The following GALNTL6 variants were observed in gnomAD, a reference collection of about 807,000 sequenced individuals.
The protein encoded by GALNTL6 is polypeptide N-acetylgalactosaminyltransferase like 6, also known as polypeptide N-acetylgalactosaminyltransferase-like 6.
In GALNTL6, 46 loss-of-function variants were observed where a neutral mutation model predicts 73.7. The observed-to-expected ratio is 0.62, with a 90% CI of 0.49 to 0.80. GALNTL6 has a LOEUF of 0.80. GALNTL6 is among the 30% of genes least tolerant of loss of function. The probability of loss-of-function intolerance (pLI) is 0.00; values close to 1 mark genes in which losing one functional copy is unlikely to be tolerated. For missense variants in GALNTL6, 604 were observed against 755.0 expected (o/e 0.80, Z 2.34); for synonymous variants, 259 against 263.7 (o/e 0.98, Z 0.17).
intron 2 of GALNTL6, among the ~76,000 whole-genome samples, chr4:172,065,963 T>C (rs1190703756): frequency 6.6e-6 from 1 of 152,172 alleles, no homozygotes; most frequent in African/African-American, 2.4e-5. Flanking sequence ...ACCCTTGACA[T>C]GTGAGGATTA....
intron 7 of GALNTL6, among the ~76,000 whole-genome samples, chr4:172,848,179 G>A (rs750335737): frequency 2.0e-5 from 3 of 152,044 alleles, no homozygotes; most frequent in Non-Finnish European, 2.9e-5. Flanking sequence ...CCTATGTCTC[G>A]TGTACATGAC....
chr4:172,828,271 C>CAAA (rs35836916), intron 7 of GALNTL6, among the ~76,000 whole-genome samples: 5 of 122,342 alleles, frequency 4.1e-5, no homozygotes, highest in African/African-American at 1.6e-4. Context: ...GACTCCATCT[C>CAAA]AAAAAAAAAA....
intron 5 of GALNTL6, among the ~76,000 whole-genome samples, chr4:172,754,583 T>A (rs1394534977): frequency 2.0e-5 from 3 of 151,330 alleles, no homozygotes; most frequent in Non-Finnish European, 2.9e-5. Flanking sequence ...GAAAATAAAT[T>A]AAAAAAAACA....
At chr4:172,772,166 C>G (rs1180589616) in intron 5 of GALNTL6, among the ~76,000 whole-genome samples, 3 of 152,332 alleles carry the variant, frequency 2.0e-5, no homozygotes, top group Admixed American at 2.0e-4. Flanking sequence ...GACCTACTCC[C>G]ACGATTCAAT....
intron 9 of GALNTL6, among the ~76,000 whole-genome samples, chr4:172,932,321 C>T (rs1428806642): frequency 6.6e-6 from 1 of 152,070 alleles, no homozygotes; most frequent in African/African-American, 2.4e-5. Flanking sequence ...ATCAGGAAAG[C>T]TAAGAGAGGA....
chr4:173,024,932 TC>T (rs1274101840), intron 12 of GALNTL6, among the ~76,000 whole-genome samples: 1 of 152,100 alleles, frequency 6.6e-6, no homozygotes, highest in Admixed American at 6.6e-5. Flanking sequence ...GATCAATATT[TC>T]CTAGGAGAGT....
intron 2 of GALNTL6, among the ~76,000 whole-genome samples, chr4:172,141,929 T>C (rs1037127309): frequency 3.3e-5 from 5 of 149,684 alleles, no homozygotes; most frequent in Non-Finnish European, 6.0e-5. Flanking sequence ...CACTCATTCC[T>C]GAAATAAAGA....
chr4:173,017,399 A>G (rs1258750775), intron 11 of GALNTL6, among the ~76,000 whole-genome samples: 2 of 152,246 alleles, frequency 1.3e-5, no homozygotes, highest in East Asian at 1.9e-4. Context: ...AAATGTCACA[A>G]TGACATTACC....
chr4:172,571,910 T>C (rs1736777312), intron 5 of GALNTL6, among the ~76,000 whole-genome samples: 1 of 152,304 alleles, frequency 6.6e-6, no homozygotes, highest in East Asian at 1.9e-4. Flanking sequence ...TCATTGTGTC[T>C]CTGCCTGACA....
chr4:171,818,096 A>G (rs944785079), intron 2 of GALNTL6, among the ~76,000 whole-genome samples: 5 of 151,706 alleles, frequency 3.3e-5, no homozygotes, highest in African/African-American at 9.7e-5. Flanking sequence ...TAGTCATTGT[A>G]AAGTAATTCT....
At chr4:171,864,567 C>A (rs1735922007) in intron 2 of GALNTL6, among the ~76,000 whole-genome samples, 1 of 152,106 alleles carries the variant, frequency 6.6e-6, no homozygotes, top group African/African-American at 2.4e-5. Flanking sequence ...ACACAGAACC[C>A]AAATTAAACC....
intron 9 of GALNTL6, among the ~76,000 whole-genome samples, chr4:172,936,593 A>G (rs1748634076): frequency 6.6e-6 from 1 of 152,228 alleles, no homozygotes; most frequent in Non-Finnish European, 1.5e-5. Context: ...TACAAAATCT[A>G]TGTGCAAAAA....
chr4:172,557,598 A>G (rs1271627667), intron 5 of GALNTL6, among the ~76,000 whole-genome samples: 2 of 152,228 alleles, frequency 1.3e-5, no homozygotes, highest in African/African-American at 2.4e-5. Flanking sequence ...CAGAAACTTC[A>G]TAAGGAAGAT....
intron 8 of GALNTL6, among the ~76,000 whole-genome samples, chr4:172,917,979 G>A (rs1218050791): frequency 2.0e-5 from 3 of 152,176 alleles, no homozygotes; most frequent in African/African-American, 7.2e-5. Flanking sequence ...ATTCACAATA[G>A]CAAAGACTTG....
chr4:171,941,428 T>A (rs113025943), intron 2 of GALNTL6, among the ~76,000 whole-genome samples: 1 of 152,250 alleles, frequency 6.6e-6, no homozygotes, highest in Non-Finnish European at 1.5e-5. Flanking sequence ...TCCCCCTTGA[T>A]GCCCAGTGAA....
intron 2 of GALNTL6, among the ~76,000 whole-genome samples, chr4:171,887,669 T>C (rs540221020): frequency 1.3e-5 from 2 of 152,296 alleles, no homozygotes; most frequent in Non-Finnish European, 2.9e-5. Flanking sequence ...TCTAAACAGA[T>C]CTTTGGTAAA....
chr4:172,600,395 G>T (rs1738013013), intron 5 of GALNTL6, among the ~76,000 whole-genome samples: 1 of 152,078 alleles, frequency 6.6e-6, no homozygotes, highest in African/African-American at 2.4e-5. Context: ...CACAGTGCAG[G>T]AACAGCAAGA....
chr4:172,282,076 G>A (rs759885627), intron 3 of GALNTL6, among the ~76,000 whole-genome samples: 13 of 152,050 alleles, frequency 8.5e-5, no homozygotes, highest in Non-Finnish European at 1.8e-4. Context: ...TATAATTAAA[G>A]CTTCTGTTCA....
chr4:172,782,088 T>G lies in GALNTL6; in HGVS notation c.554-27273T>G, dbSNP rs557651820. Among the ~76,000 whole-genome samples the G allele has an allele frequency of 1.3e-5, 2 of 152,222 alleles. 1 individual carries two copies. Among genetic ancestry groups the G allele is most frequent in the South Asian group, 4.1e-4 (2 of 4,828 alleles). On this transcript the variant is annotated intron_variant, in intron 5 of 12. Transcript: ENST00000506823. ...AATAAACCACTAAAGGCTCACTCAA[T>G]TGACCATAACCTTCTCTTAATTCTT...
Sources: allele counts gnomAD v4.1 joint callset (sites outside exome capture counted in the v4.1 genomes callset), GRCh38; gene constraint gnomAD v4.1.1; transcripts MANE v1.5; gene names NCBI Gene and HGNC (gene_info 2026-07-23, HGNC 2026-07-21).